IL1R1: variants seen among roughly 807,000 people sequenced by gnomAD.
The protein encoded by IL1R1 is interleukin-1 receptor type 1.
Under a neutral mutation model 50.2 loss-of-function variants are expected in IL1R1, and 22 were observed. The observed-to-expected ratio is 0.44, with a 90% CI of 0.31 to 0.63. The LOEUF (loss-of-function observed/expected upper bound fraction) is 0.63. IL1R1 is among the 20% of genes least tolerant of loss of function. The pLI is 0.07. For missense variants in IL1R1, 509 were observed against 676.2 expected, an observed-to-expected ratio of 0.75 and a Z score of 2.74; for synonymous variants, 251 against 236.7, an observed-to-expected ratio of 1.06 and a Z score of -0.55.
intron 1 of IL1R1, among the ~76,000 whole-genome samples, chr2:102,149,881 G>A (rs1355571325): frequency 6.6e-6 from 1 of 152,162 alleles, no homozygotes; most frequent in Non-Finnish European, 1.5e-5. Context: ...CTCATGGTGA[G>A]GACAGCGCAG....
In IL1R1 at chr2:102,177,071, GC is replaced by G. The variant is rs528235413; in HGVS notation, c.*315del. 9.3e-4 allele frequency: 266 copies of G among 285,068 alleles called. 1 individual carries two copies. The highest frequency in any genetic ancestry group is 4.0e-3 in the Admixed American group (83 of 20,812). 17.7% of individuals were successfully genotyped at this position (285,068 alleles called of 1,614,324 possible). A position where few individuals can be genotyped will look rare whatever the true frequency, so the allele number is the denominator to read the frequency against. The stretch of plus-strand genomic sequence containing the variant: ...ACCAGAGGTCAGGAGTTCGAGACCA[GC>G]CCAGCCAACATGGCAAAACCCCATC... On this transcript the variant is annotated 3_prime_UTR_variant, in exon 12 of 12. Transcript: ENST00000410023.
chr2:102,118,375 T>C (rs1431457518), intron 1 of IL1R1, among the ~76,000 whole-genome samples: 1 of 152,172 alleles, frequency 6.6e-6, no homozygotes, highest in East Asian at 1.9e-4. Context: ...GTCTTCTGTA[T>C]CCTTTATTGT....
At chr2:102,070,920 A>G (rs1678688693) in intron 1 of IL1R1, among the ~76,000 whole-genome samples, 1 of 152,126 alleles carries the variant, frequency 6.6e-6, no homozygotes, top group Non-Finnish European at 1.5e-5. Context: ...GTGTGTATCT[A>G]AGAGGTAGCT....
intron 1 of IL1R1, among the ~76,000 whole-genome samples, chr2:102,129,256 TACAACAACAACA>T (rs71866133): frequency 1.7e-4 from 26 of 149,524 alleles, no homozygotes; most frequent in East Asian, 8.0e-4. Flanking sequence ...CCCAAAAACC[TACAACAACAACA>T]ACAACAACAA....
At chr2:102,077,670 G>A (rs1679028774) in intron 1 of IL1R1, among the ~76,000 whole-genome samples, 1 of 152,108 alleles carries the variant, frequency 6.6e-6, no homozygotes, top group Admixed American at 6.5e-5. Context: ...TTCTTTGCAT[G>A]CATGGTAATT....
intron 1 of IL1R1, among the ~76,000 whole-genome samples, chr2:102,130,490 A>C (rs567061875): frequency 6.9e-5 from 10 of 144,888 alleles, no homozygotes; most frequent in South Asian, 2.3e-4. Flanking sequence ...TTTCCTTTTC[A>C]CTCTTGGTGG....
chr2:102,130,925 G>A (rs2104415441), intron 1 of IL1R1, among the ~76,000 whole-genome samples: 1 of 152,294 alleles, frequency 6.6e-6, no homozygotes. Flanking sequence ...AGTGATCCCT[G>A]AGAGGCAGAA....
At chr2:102,098,538 A>G (rs1488140489) in intron 1 of IL1R1, among the ~76,000 whole-genome samples, 1 of 152,212 alleles carries the variant, frequency 6.6e-6, no homozygotes, top group Admixed American at 6.5e-5. Context: ...GCTGGGTCAT[A>G]TTCGACAGTC....
chr2:102,071,698 C>A (rs10203724), intron 1 of IL1R1, among the ~76,000 whole-genome samples: 37,672 of 152,084 alleles, frequency 0.25, 5,698 homozygotes, highest in African/African-American at 0.41. Context: ...TTTGAAGATT[C>A]TTTCCCTTTA....
upstream of IL1R1, among the ~76,000 whole-genome samples, chr2:102,141,249 C>A (rs368020040): frequency 3.3e-5 from 5 of 152,344 alleles, no homozygotes; most frequent in African/African-American, 1.2e-4. Context: ...CCCAGCTGCA[C>A]TGGAATTACC....
upstream of IL1R1, among the ~76,000 whole-genome samples, chr2:102,138,312 G>A (rs896988645): frequency 2.0e-5 from 3 of 152,228 alleles, no homozygotes; most frequent in Admixed American, 6.5e-5. Context: ...GAAAAACCAG[G>A]TGCAAGAAGC....
At chr2:102,137,052 C>A (rs1326792480) in intron 1 of IL1R1, among the ~76,000 whole-genome samples, 1 of 152,156 alleles carries the variant, frequency 6.6e-6, no homozygotes, top group Non-Finnish European at 1.5e-5. Context: ...ACCTATTTGA[C>A]CATCTCATAG....
chr2:102,089,726 C>T (rs1290208814), intron 1 of IL1R1, among the ~76,000 whole-genome samples: 1 of 151,772 alleles, frequency 6.6e-6, no homozygotes, highest in African/African-American at 2.4e-5. Context: ...TGTAAGTCTT[C>T]CTCTGAATGC....
intron 11 of IL1R1, chr2:102,175,896 T>A (rs1267551869): frequency 3.4e-6 from 2 of 588,804 alleles, no homozygotes; most frequent in Non-Finnish European, 6.0e-6. Flanking sequence ...CAACAGTTGC[T>A]TTACAACTGA....
chr2:102,157,881 C>T (rs772688481), intron 3 of IL1R1, 96 bp downstream of exon 3: 28 of 807,598 alleles, frequency 3.5e-5, no homozygotes, highest in African/African-American at 5.1e-5. Flanking sequence ...TTCTCATACT[C>T]GTCTCTGTTG....
At chr2:102,092,974 A>T (rs979667210) in intron 1 of IL1R1, among the ~76,000 whole-genome samples, 1 of 152,150 alleles carries the variant, frequency 6.6e-6, no homozygotes, top group African/African-American at 2.4e-5. Flanking sequence ...CTAAACCAAA[A>T]CTACATATAG....
At chr2:102,153,575 T>C (rs1049638034) in intron 1 of IL1R1, among the ~76,000 whole-genome samples, 5 of 152,158 alleles carry the variant, frequency 3.3e-5, no homozygotes, top group Non-Finnish European at 5.9e-5. Context: ...CAGGGAGGGA[T>C]CTGGTGGGAG....
chr2:102,116,905 C>A lies in IL1R1; in HGVS notation c.-84+12033C>A, dbSNP rs145482595. On this transcript the variant is annotated intron_variant, in intron 1 of 10. Coordinates refer to the IL1R1 transcript ENST00000409329. Reference sequence around the variant, plus strand: ...TCTAACTTCTGAGTTCCACTTCTTACTGTTCTCATGTTCATTCATTATTCC... The same window carrying A: ...TCTAACTTCTGAGTTCCACTTCTTAATGTTCTCATGTTCATTCATTATTCC... Among the ~76,000 whole-genome samples the A allele has an allele frequency of 4.0e-3, 603 of 152,284 alleles. 6 individuals are homozygous for A. The highest frequency in any genetic ancestry group is 0.014 in the African/African-American group (581 of 41,558).
chr2:102,080,294 T>A (rs1577795366), intron 1 of IL1R1, among the ~76,000 whole-genome samples: 1 of 152,216 alleles, frequency 6.6e-6, no homozygotes, highest in Admixed American at 6.5e-5. Flanking sequence ...AGTGAAAATA[T>A]AGCTCATGGA....
Sources: gnomAD v4.1 joint callset for allele counts (sites outside exome capture counted in the v4.1 genomes callset) on GRCh38, gnomAD v4.1.1 for gene constraint, MANE v1.5 for transcripts, NCBI Gene and HGNC (gene_info 2026-07-23, HGNC 2026-07-21) for gene names.